PIWIL3: variants seen among roughly 807,000 people sequenced by gnomAD.
PIWIL3 encodes piwi-like protein 3.
Under a neutral mutation model 109.7 loss-of-function variants are expected in PIWIL3, and 101 were observed. The observed-to-expected ratio is 0.92, with a 90% confidence interval of 0.78 to 1.09. The LOEUF (loss-of-function observed/expected upper bound fraction) is 1.09. PIWIL3 is among the 50% of genes least tolerant of loss of function. The pLI is 0.00. For missense variants in PIWIL3, 1,031 were observed against 1,072.6 expected, an observed-to-expected ratio of 0.96 and a Z score of 0.54; for synonymous variants, 373 against 376.4, an observed-to-expected ratio of 0.99 and a Z score of 0.10.
intron 1 of PIWIL3, 109 bp downstream of exon 1, chr22:24,774,213 C>T (rs1001724260): frequency 1.3e-5 from 2 of 152,232 alleles, no homozygotes; most frequent in Non-Finnish European, 2.9e-5. Flanking sequence ...TGAAATCCAG[C>T]CTTGGAATGT....
At chr22:24,751,635 A>G (rs1924716839) in intron 8 of PIWIL3, 137 bp from the exon 9 acceptor site, 2 of 1,395,884 alleles carry the variant, frequency 1.4e-6, no homozygotes, top group African/African-American at 2.9e-5. Context: ...CACATACTGT[A>G]CAACTCACCC....
At chr22:24,763,326 A>C (rs905047016) in intron 1 of PIWIL3, among the ~76,000 whole-genome samples, 1 of 151,018 alleles carries the variant, frequency 6.6e-6, no homozygotes, top group African/African-American at 2.4e-5. Context: ...ATTTTGAGAG[A>C]GTCTCACTCT....
chr22:24,759,837 C>T (rs1925307949), intron 3 of PIWIL3, 32 bp downstream of exon 3: 2 of 1,613,692 alleles, frequency 1.2e-6, no homozygotes, highest in Non-Finnish European at 1.7e-6. Context: ...GAAGCATCCC[C>T]TGCCCCTCAT....
At chr22:24,767,524 C>T (rs1333801043) in intron 1 of PIWIL3, among the ~76,000 whole-genome samples, 1 of 150,238 alleles carries the variant, frequency 6.7e-6, no homozygotes, top group Non-Finnish European at 1.5e-5. Flanking sequence ...GCACTCCAGC[C>T]TGGGCAACAA....
At chr22:24,719,693 A>G in intron 20 of PIWIL3, 55 bp downstream of exon 20, 4 of 1,571,956 alleles carry the variant, frequency 2.5e-6, no homozygotes, top group South Asian at 1.1e-5. Flanking sequence ...ACATTGTTCA[A>G]TGTTGAATAG....
rs936667437 is a variant in PIWIL3, at chr22:24,758,069, A to G, written c.224-30T>C. 5.0e-6 allele frequency: 8 copies of G among 1,589,294 alleles called. No homozygotes were observed. The African/African-American group carries it at 6.8e-5, about 14-fold the overall frequency. On this transcript the variant is annotated intron_variant, in intron 3 of 20. Transcript: ENST00000616349. ...ATAAATGTAAACGCCAGAAGTTTAA[A>G]CAATAAAAAGGGAAGAATAGAAAAG...
chr22:24,733,819 CTACTT>C (rs1758531430), intron 14 of PIWIL3, among the ~76,000 whole-genome samples: 1 of 152,106 alleles, frequency 6.6e-6, no homozygotes, highest in Non-Finnish European at 1.5e-5. Context: ...AATACCCACA[CTACTT>C]TACATTTGTA....
At chr22:24,740,558 AAAAG>A (rs1044656004) in intron 12 of PIWIL3, among the ~76,000 whole-genome samples, 3 of 151,340 alleles carry the variant, frequency 2.0e-5, no homozygotes, top group African/African-American at 4.8e-5. Flanking sequence ...AAAAAAAAAA[AAAAG>A]AAAGAAACTG....
chr22:24,723,836 G>A lies in PIWIL3; in HGVS notation c.2232-581C>T, dbSNP rs571532693. Among the ~76,000 whole-genome samples, 297 of 152,212 alleles carry A rather than the reference G, an allele frequency of 2.0e-3. 2 individuals carry two copies. Among genetic ancestry groups the A allele is most frequent in the African/African-American group, 7.0e-3 (289 of 41,544 alleles). On this transcript the variant is annotated intron_variant, in intron 18 of 20. Transcript: ENST00000616349. Reference sequence around the variant, plus strand: ...ATTACAGGTGTGCACCACCACGCCTGGCTAATTCTTGTGTTTTTATTAGTA... The same window carrying A: ...ATTACAGGTGTGCACCACCACGCCTAGCTAATTCTTGTGTTTTTATTAGTA...
intron 12 of PIWIL3, among the ~76,000 whole-genome samples, chr22:24,740,218 C>CAAAAAAAAAAAAAAAA (rs71189272): frequency 1.6e-5 from 1 of 63,898 alleles, no homozygotes; most frequent in African/African-American, 6.1e-5. Context: ...GAGACTGTCT[C>CAAAAAAAAAAAAAAAA]AAAAAAAAAA....
chr22:24,723,794 C>G (rs1276665862), intron 18 of PIWIL3, among the ~76,000 whole-genome samples: 1 of 152,136 alleles, frequency 6.6e-6, no homozygotes, highest in Non-Finnish European at 1.5e-5. Context: ...CATGGCTCAG[C>G]CTCCCAAGTA....
chr22:24,744,187 A>ATT (rs1924194282), intron 12 of PIWIL3, among the ~76,000 whole-genome samples: 9 of 145,592 alleles, frequency 6.2e-5, no homozygotes, highest in Admixed American at 2.8e-4. Flanking sequence ...TTAAAAAAAA[A>ATT]AAAAAAAAAA....
intron 14 of PIWIL3, among the ~76,000 whole-genome samples, chr22:24,731,280 G>C (rs1923331439): frequency 1.3e-5 from 2 of 152,162 alleles, no homozygotes; most frequent in African/African-American, 4.8e-5. Flanking sequence ...GTAGCACCTA[G>C]ACCCATTTAG....
chr22:24,743,657 T>C (rs1412560250), intron 12 of PIWIL3, among the ~76,000 whole-genome samples: 6 of 152,122 alleles, frequency 3.9e-5, no homozygotes, highest in Non-Finnish European at 8.8e-5. Flanking sequence ...CAATGGACTT[T>C]GGGGACTGCG....
chr22:24,762,436 CTTG>C lies in PIWIL3; in HGVS notation c.61_63del (p.Gln21del), dbSNP rs2147720110. 1.2e-6 allele frequency: 2 copies of C among 1,614,088 alleles called. No homozygotes were observed. Among genetic ancestry groups the C allele is most frequent in the East Asian group, 4.5e-5 (2 of 44,872 alleles). ...GGTGCTCTGGGTCCCCCAGGTGCCT[CTTG>C]TTGGTAGCTCTCCCTGCGGCGGGCT... On this transcript the variant is annotated inframe_deletion, in exon 2 of 21. Transcript: ENST00000616349.
chr22:24,732,043 G>A (rs985941718), intron 14 of PIWIL3, among the ~76,000 whole-genome samples: 7 of 152,172 alleles, frequency 4.6e-5, no homozygotes, highest in South Asian at 2.1e-4. Context: ...AAAGAAAACC[G>A]ACACATCCCC....
rs1167394014 is a variant in PIWIL3, at chr22:24,750,488, TTTC to T, written c.1090-672_1090-670del. ...TGAAGTCTTACCACATTTGATTTTT[TTTC>T]TTTTTTTTTTTTTTGAGATGGAGTT... On this transcript the variant is annotated intron_variant, in intron 9 of 20. Coordinates refer to ENST00000616349, the MANE Select transcript of PIWIL3 (RefSeq NM_001255975.1). 4.0e-4 allele frequency among the ~76,000 whole-genome samples: 51 copies of T among 126,968 alleles called. 2 individuals are homozygous for T. The highest frequency in any genetic ancestry group is 8.7e-4 in the Admixed American group (11 of 12,616). 83.3% of individuals were successfully genotyped at this position (126,968 alleles called of 152,430 possible). A position where few individuals can be genotyped will look rare whatever the true frequency, so the allele number is the denominator to read the frequency against.
intron 14 of PIWIL3, among the ~76,000 whole-genome samples, 178 bp downstream of exon 14, chr22:24,733,906 G>A (rs1027224097): frequency 3.3e-5 from 5 of 152,144 alleles, no homozygotes; most frequent in Non-Finnish European, 5.9e-5. Context: ...ATTAGCATAC[G>A]ATTGTGATAC....
At chr22:24,726,946 G>A (rs994563038) in intron 16 of PIWIL3, among the ~76,000 whole-genome samples, 17 of 152,154 alleles carry the variant, frequency 1.1e-4, no homozygotes, top group Admixed American at 2.6e-4. Flanking sequence ...CGTATTTCAA[G>A]GTGCAGTGTG....
Sources: gnomAD v4.1 joint callset for allele counts (sites outside exome capture counted in the v4.1 genomes callset) on GRCh38, gnomAD v4.1.1 for gene constraint, MANE v1.5 for transcripts, NCBI Gene and HGNC (gene_info 2026-07-23, HGNC 2026-07-21) for gene names.